Variants in SCN4A observed in about 807,000 individuals in gnomAD.
The protein encoded by SCN4A is sodium voltage-gated channel alpha subunit 4.
A neutral mutation model predicts 162.0 loss-of-function variants in SCN4A; 83 were observed. That is an observed-to-expected ratio of 0.51 (90% CI 0.43 to 0.61). The LOEUF is 0.61. Ranked by LOEUF, SCN4A falls within the 20% of genes least tolerant of loss-of-function variation. SCN4A has a pLI of 0.00. For synonymous variants in SCN4A, 944 were observed against 985.1 expected (o/e 0.96, Z 0.78); for missense variants, 2,196 against 2,462.5 (o/e 0.89, Z 2.29).
In SCN4A at chr17:63,972,856, C is replaced by G. The variant is rs1488666004; in HGVS notation, c.-15G>C. 3 of 1,595,614 alleles carry G rather than the reference C, an allele frequency of 1.9e-6. No homozygotes were observed. Among genetic ancestry groups the G allele is most frequent in the Non-Finnish European group, 2.6e-6 (3 of 1,170,088 alleles). ...GGTCTGGCCATCCTCGCATCCTGGGCTCAGAGACCAGAAGGGTGGTGGGTG... is the reference window on the plus strand; with the variant it reads ...GGTCTGGCCATCCTCGCATCCTGGGGTCAGAGACCAGAAGGGTGGTGGGTG... On this transcript the variant is annotated 5_prime_UTR_variant, in exon 1 of 24. Transcript: ENST00000435607. The surrounding 1 kb of genome is among the most constrained non-coding windows in gnomAD (Gnocchi z 4.3).
chr17:63,971,275 G>A (rs370768111), intron 4 of SCN4A, 22 bp from the exon 5 acceptor site: 48 of 1,364,390 alleles, frequency 3.5e-5, no homozygotes, highest in African/African-American at 1.2e-4. Context: ...GTGGAGGGGG[G>A]TGGGGACTGT....
intron 16 of SCN4A, 142 bp downstream of exon 16, chr17:63,948,469 G>A (rs1279982905): frequency 1.5e-6 from 1 of 679,252 alleles, no homozygotes; most frequent in Non-Finnish European, 2.4e-6. Flanking sequence ...TATCCCGGAG[G>A]CACAGCGAGT....
chr17:63,962,971 G>C (rs1298422707), intron 10 of SCN4A, among the ~76,000 whole-genome samples: 1 of 152,134 alleles, frequency 6.6e-6, no homozygotes, highest in South Asian at 2.1e-4. Context: ...AAGGCAAGCC[G>C]ACCTGGGGAG....
In SCN4A at chr17:63,944,752, A is replaced by G; in HGVS notation, c.3833T>C (p.Phe1278Ser). The stretch of plus-strand genomic sequence containing the variant: ...GGTGAAGAAGGAGCCAAAGATGATG[A>G]AGATGACAAAGTAGAGGTACATGTA... ...NLYMYLYFVI[F>S]IIFGSFFTLN... Residue 1278 changes from phenylalanine (F) to serine (S), a missense_variant, in exon 21 of 24, where the codon TTC becomes TCC. Coordinates refer to ENST00000435607, the MANE Select transcript of SCN4A (RefSeq NM_000334.4). The surrounding 1 kb of genome is among the most constrained non-coding windows in gnomAD (Gnocchi z 4.3). 1 of 1,613,866 alleles carries G rather than the reference A, an allele frequency of 6.2e-7. No homozygotes were observed. Among genetic ancestry groups the G allele is most frequent in the Non-Finnish European group, 8.5e-7 (1 of 1,179,840 alleles).
At position 63,972,799 on chromosome 17, in the gene SCN4A, C is replaced by G. The variant is rs559424913; in HGVS notation, c.43G>C (p.Glu15Gln). Residue 15 changes from glutamate to glutamine, a missense_variant, in exon 1 of 24, where the codon GAG becomes CAG. By Grantham distance (29) the Glu-to-Gln change is conservative (BLOSUM62 2). Transcript: ENST00000435607. The surrounding 1 kb of genome is among the most constrained non-coding windows in gnomAD (Gnocchi z 4.3). ...TCCCGGGTGAAGGGGCGCAAGCACT[C>G]AGGGCCCAGAGGCACCAGGGTGCAC... ...SLCTLVPLGP[E>Q]CLRPFTRESL... The G allele has an allele frequency of 6.2e-7, 1 of 1,613,458 alleles. No homozygotes were observed. The highest frequency in any genetic ancestry group is 1.7e-5 in the Admixed American group (1 of 59,982).
chr17:63,953,309 G>A (rs902013536), intron 13 of SCN4A, among the ~76,000 whole-genome samples: 5 of 150,652 alleles, frequency 3.3e-5, no homozygotes, highest in Middle Eastern at 7.0e-3. Flanking sequence ...GCAGTGAGTC[G>A]AGATCACGCC....
At position 63,971,703 on chromosome 17, in the gene SCN4A, T is replaced by C. The variant is rs771766927; in HGVS notation, c.611+19A>G. ...CCTCACCCACCCCAGCCTCAGGATG[T>C]CCTGGGGCCCCTGCTCACGCCATCA... On this transcript the variant is annotated intron_variant, in intron 4 of 23. Coordinates refer to ENST00000435607, the MANE Select transcript of SCN4A (RefSeq NM_000334.4). 5.7e-6 allele frequency: 9 copies of C among 1,566,636 alleles called. No individual in the cohort carries two copies. The Admixed American group carries it at 1.3e-4, about 23-fold the overall frequency.
rs138677988 is a variant in SCN4A at position 63,969,721 on chromosome 17, G to A, written c.704-1366C>T. Among the ~76,000 whole-genome samples, 341 of 151,960 alleles carry A rather than the reference G, an allele frequency of 2.2e-3. 2 individuals are homozygous for A. Among genetic ancestry groups the A allele is most frequent in the African/African-American group, 7.6e-3 (313 of 41,386 alleles). On this transcript the variant is annotated intron_variant, in intron 5 of 23. Transcript: ENST00000435607. ...TGCAGTGGTGTGATCTCGGCTCACT[G>A]CAACTTCTGCCTCCTCGATTCAAGT... is the stretch of plus-strand genomic sequence containing the variant.
At position 63,949,468 on chromosome 17, in the gene SCN4A, G is replaced by T; in HGVS notation, c.2914C>A (p.Pro972Thr). The change falls in exon 15 of 24, where the codon CCC (proline) becomes ACC (threonine). Residue 972 changes from proline to threonine, a missense_variant. Coordinates refer to ENST00000435607, the MANE Select transcript of SCN4A (RefSeq NM_000334.4). Reference protein sequence around the residue: ...SSVCSTADYKPPEEDPEEQAE... With the variant: ...SSVCSTADYKTPEEDPEEQAE... ...TGCTCCTCAGGGTCCTCCTCGGGGG[G>T]CTTGTAGTCAGCTGTGCTGCAGACG... 6.2e-7 allele frequency: 1 copy of T among 1,612,134 alleles called. No individual in the cohort carries two copies. Among genetic ancestry groups the T allele is most frequent in the South Asian group, 1.1e-5 (1 of 90,670 alleles).
At chr17:63,942,229 C>T (rs2144775266) in intron 23 of SCN4A, among the ~76,000 whole-genome samples, 1 of 151,416 alleles carries the variant, frequency 6.6e-6, no homozygotes, top group South Asian at 2.1e-4. Flanking sequence ...GTGTAAGGCC[C>T]ATTCCCAAGG....
At chr17:63,949,960 C>G (rs1382294549) in intron 14 of SCN4A, among the ~76,000 whole-genome samples, 1 of 152,118 alleles carries the variant, frequency 6.6e-6, no homozygotes, top group East Asian at 1.9e-4. Flanking sequence ...CCCCTAGCGT[C>G]TGAGCCTTCC....
chr17:63,971,119 G>T (rs900167913), intron 5 of SCN4A, 43 bp downstream of exon 5: 4 of 1,280,542 alleles, frequency 3.1e-6, no homozygotes, highest in Non-Finnish European at 3.3e-6. Flanking sequence ...ATGGTACGGG[G>T]GTCTCTCAGC....
chr17:63,945,263 C>G lies in SCN4A; in HGVS notation c.3720+97G>C, dbSNP rs769063279. On this transcript the variant is annotated intron_variant, in intron 19 of 23. Coordinates refer to ENST00000435607, the MANE Select transcript of SCN4A (RefSeq NM_000334.4). The surrounding 1 kb of genome is among the most constrained non-coding windows in gnomAD (Gnocchi z 4.4). ...CATTGGAAGCAGGGTGGGCGGTCCC[C>G]TAACCAGGAGTGACACTGGGGTTGG... is the stretch of plus-strand genomic sequence containing the variant. 5.0e-6 allele frequency: 6 copies of G among 1,193,316 alleles called. No homozygotes were observed. The highest frequency in any genetic ancestry group is 7.2e-6 in the Non-Finnish European group (6 of 829,412). The allele number at this position is 1,193,316 out of a possible 1,614,324, so 73.9% of individuals were successfully genotyped here.
Position 63,947,991 on chromosome 17 carries a change from T to C in SCN4A, c.3217A>G (p.Thr1073Ala). 6.2e-7 allele frequency: 1 copy of C among 1,613,912 alleles called. No homozygotes were observed. Among genetic ancestry groups the C allele is most frequent in the Non-Finnish European group, 8.5e-7 (1 of 1,179,844 alleles). ...AGCATCTCCATGATGAAGATGTAGG[T>C]GAAGACCTTGTCGGCATATTCTAGG... ...TILEYADKVFTYIFIMEMLLK... is the reference protein window; with the variant it reads ...TILEYADKVFAYIFIMEMLLK... The change falls in exon 17 of 24, where the codon ACC becomes GCC. Residue 1073 changes from threonine to alanine, a missense_variant. Transcript: ENST00000435607.
chr17:63,957,447 C>A lies in SCN4A; in HGVS notation c.2091G>T (p.Val697=). The change falls in exon 13 of 24, where the codon GTG becomes GTT. Residue 697 remains valine (V), a synonymous_variant. Transcript: ENST00000435607. The part of the protein sequence containing the change: ...NMLIKIIGNS[V]GALGNLTLVL... ...CCAGCGTCAGGTTACCCAGCGCCCC[C>A]ACTGAATTGCCAATGATCTTGATGA... 1 of 1,614,040 alleles carries A rather than the reference C, an allele frequency of 6.2e-7. No homozygotes were observed. The highest frequency in any genetic ancestry group is 8.5e-7 in the Non-Finnish European group (1 of 1,179,926).
chr17:63,940,790 A>T lies in SCN4A; in HGVS notation c.5492T>A (p.Val1831Asp), dbSNP rs1300925199. Residue 1831 changes from valine to aspartate, a missense_variant, in exon 24 of 24, where the codon GTC (valine) becomes GAC (aspartate). Physicochemically the swap from Val to Asp is radical, Grantham distance 152. Coordinates refer to ENST00000435607, the MANE Select transcript of SCN4A (RefSeq NM_000334.4). ...PPPGQTVRPG[V>D]KESLV The stretch of plus-strand genomic sequence containing the variant: ...TGCCTGCTAGACAAGAGACTCCTTG[A>T]CACCTGGGCGCACAGTCTGCCCTGG... 3.2e-6 allele frequency: 5 copies of T among 1,579,588 alleles called. No individual in the cohort carries two copies. The highest frequency in any genetic ancestry group is 3.6e-5 in the Admixed American group (2 of 55,110).
chr17:63,961,711 C>G (rs1331562259), intron 10 of SCN4A: 1 of 454,822 alleles, frequency 2.2e-6, no homozygotes, highest in East Asian at 3.6e-5. Context: ...CAGATCCCGC[C>G]CTCTAACCCC....
chr17:63,970,465 C>G (rs1909578757), intron 5 of SCN4A, among the ~76,000 whole-genome samples: 1 of 152,100 alleles, frequency 6.6e-6, no homozygotes, highest in African/African-American at 2.4e-5. Flanking sequence ...GCTCCAGAAT[C>G]TGTGCTTTTT....
At position 63,941,596 on chromosome 17, in the gene SCN4A, G is replaced by C; in HGVS notation, c.4686C>G (p.Thr1562=). The change falls in exon 24 of 24, where the codon ACC becomes ACG. Residue 1562 remains threonine, a synonymous_variant. Transcript: ENST00000435607. This position sits in a 1 kb window ranked among gnomAD's most constrained non-coding sequence, Gnocchi z 6.2. ...GGTTGCCGCAGTCACCCTTGACACT[G>C]GTGCCCGGGTTCTCCAGGTTGGGGT... is the stretch of plus-strand genomic sequence containing the variant. ...DCDPNLENPG[T]SVKGDCGNPS... 1 of 1,614,090 alleles carries C rather than the reference G, an allele frequency of 6.2e-7. No homozygotes were observed. The highest frequency in any genetic ancestry group is 8.5e-7 in the Non-Finnish European group (1 of 1,179,986).
Sources: allele counts gnomAD v4.1 joint callset (sites outside exome capture counted in the v4.1 genomes callset), GRCh38; gene constraint gnomAD v4.1.1; non-coding constraint Gnocchi (gnomAD v3.1); transcripts MANE v1.5; gene names NCBI Gene and HGNC (gene_info 2026-07-23, HGNC 2026-07-21).